The following NHLRC2 variants were observed in gnomAD, a reference collection of about 807,000 sequenced individuals.
NHLRC2 encodes NHL repeat containing 2.
In NHLRC2, 33 loss-of-function variants were observed where a neutral mutation model predicts 68.1. That is an observed-to-expected ratio of 0.48 (90% CI 0.37 to 0.65). NHLRC2 has a LOEUF of 0.65. NHLRC2 is among the 30% of genes least tolerant of loss of function. NHLRC2 has a pLI of 0.00. For synonymous variants in NHLRC2, 311 were observed against 309.6 expected (o/e 1.00, Z -0.05); for missense variants, 761 against 853.8 (o/e 0.89, Z 1.35).
intron 5 of NHLRC2, among the ~76,000 whole-genome samples, chr10:113,892,142 G>A (rs553124454): frequency 6.6e-6 from 1 of 152,220 alleles, no homozygotes; most frequent in South Asian, 2.1e-4. Flanking sequence ...AGAATTTCAC[G>A]GATGCTCTTA....
intron 9 of NHLRC2, 72 bp from the exon 10 acceptor site, chr10:113,904,745 T>C: frequency 8.7e-7 from 1 of 1,153,446 alleles, no homozygotes; most frequent in Non-Finnish European, 1.3e-6. Flanking sequence ...TACTAAAGTC[T>C]AAAAATATGC....
chr10:113,868,610 G>A (rs931537662), intron 2 of NHLRC2, among the ~76,000 whole-genome samples: 1 of 152,098 alleles, frequency 6.6e-6, no homozygotes, highest in East Asian at 1.9e-4. Context: ...TACGTACTAG[G>A]CACTGGAGAA....
chr10:113,891,730 A>G (rs1427960383), intron 5 of NHLRC2, among the ~76,000 whole-genome samples: 2 of 152,116 alleles, frequency 1.3e-5, no homozygotes, highest in African/African-American at 4.8e-5. Flanking sequence ...CGTCCCAGGG[A>G]TAGACTGCTA....
Position 113,915,495 on chromosome 10 carries a change from T to C in NHLRC2, c.*6959T>C, listed in dbSNP as rs191932798. On this transcript the variant is annotated 3_prime_UTR_variant, in exon 11 of 11. Transcript: ENST00000369301. ...TGTGAATAATACGGACATAGTTTACTACCTTTTGCTTTTAATATACCTGGT... is the reference window on the plus strand; with the variant it reads ...TGTGAATAATACGGACATAGTTTACCACCTTTTGCTTTTAATATACCTGGT... 2.2e-4 allele frequency: 67 copies of C among 300,820 alleles called. No homozygotes were observed. The highest frequency in any genetic ancestry group is 3.0e-4 in the Non-Finnish European group (47 of 154,550). The allele number at this position is 300,820 out of a possible 1,614,324, so 18.6% of individuals were successfully genotyped here.
rs1235979080 is a variant in NHLRC2, at chr10:113,876,849, T to G, written c.660T>G (p.Pro220=). ...GIKLYKDSLP[P]SPLLFPGKVT... The stretch of plus-strand genomic sequence containing the variant: ...AACTCTATAAAGATTCTTTGCCACC[T>G]TCACCATTGCTATTTCCTGGCAAAG... The change falls in exon 3 of 11, where the codon CCT becomes CCG. Residue 220 remains proline, a synonymous_variant. Coordinates refer to ENST00000369301, the MANE Select transcript of NHLRC2 (RefSeq NM_198514.4). 12 of 1,612,482 alleles carry G rather than the reference T, an allele frequency of 7.4e-6. No individual in the cohort carries two copies. The highest frequency in any genetic ancestry group is 1.0e-5 in the Non-Finnish European group (12 of 1,178,758).
At chr10:113,857,570 A>G (rs1417433476) in intron 1 of NHLRC2, among the ~76,000 whole-genome samples, 2 of 152,146 alleles carry the variant, frequency 1.3e-5, no homozygotes, top group African/African-American at 4.8e-5. Context: ...AAGCTATTCT[A>G]AATACCTGCT....
intron 8 of NHLRC2, among the ~76,000 whole-genome samples, 153 bp downstream of exon 8, chr10:113,902,746 T>G (rs1008971075): frequency 4.6e-5 from 7 of 152,230 alleles, no homozygotes; most frequent in Admixed American, 4.6e-4. Context: ...TGCTCTTTTC[T>G]TGGTCCTTTC....
rs868147657 is a variant in NHLRC2 at position 113,854,980 on chromosome 10, C to T, written c.108C>T (p.Ser36=). ...LDAVTQQEKD[S]LVYQYLQKVD... is the part of the protein sequence containing the mutation. ...CCGTTACCCAGCAGGAGAAGGACAG[C>T]CTGGTCTACCAGTATCTGCAGAAGG... Residue 36 remains serine, a synonymous_variant, in exon 1 of 11, where the codon AGC becomes AGT. Coordinates refer to ENST00000369301, the MANE Select transcript of NHLRC2 (RefSeq NM_198514.4). The T allele has an allele frequency of 1.9e-6, 3 of 1,553,440 alleles. No individual in the cohort carries two copies. Among genetic ancestry groups the T allele is most frequent in the Non-Finnish European group, 2.6e-6 (3 of 1,147,848 alleles).
At chr10:113,884,745 A>G (rs563333527) in intron 5 of NHLRC2, among the ~76,000 whole-genome samples, 1 of 151,632 alleles carries the variant, frequency 6.6e-6, no homozygotes, top group East Asian at 1.9e-4. Flanking sequence ...TAATAAAAAT[A>G]AATTTATTCA....
chr10:113,855,080 C>CT (rs1564848083), intron 1 of NHLRC2, 30 bp downstream of exon 1: 2 of 1,527,964 alleles, frequency 1.3e-6, no homozygotes, highest in Middle Eastern at 2.0e-4. Context: ...GTGGGGGCCC[C>CT]TCCCGGCACC....
chr10:113,888,932 T>C (rs958397233), intron 5 of NHLRC2, among the ~76,000 whole-genome samples: 1 of 151,128 alleles, frequency 6.6e-6, no homozygotes. Context: ...GTTCAAGCAA[T>C]TCTCCTGCCT....
chr10:113,899,910 C>A (rs1276542759), intron 6 of NHLRC2, among the ~76,000 whole-genome samples: 2 of 151,036 alleles, frequency 1.3e-5, no homozygotes, highest in African/African-American at 2.4e-5. Flanking sequence ...CAGAGTGAGA[C>A]TCCGTTTAAA....
chr10:113,885,980 A>G (rs937527646), intron 5 of NHLRC2, among the ~76,000 whole-genome samples: 2 of 152,074 alleles, frequency 1.3e-5, no homozygotes, highest in Non-Finnish European at 2.9e-5. Context: ...ACATGATTTT[A>G]TATGTAGAAA....
intron 6 of NHLRC2, among the ~76,000 whole-genome samples, chr10:113,899,113 C>G (rs985962734): frequency 6.6e-6 from 1 of 152,064 alleles, no homozygotes; most frequent in Non-Finnish European, 1.5e-5. Flanking sequence ...TGCCCCAACC[C>G]GCTGCCCCTT....
intron 4 of NHLRC2, among the ~76,000 whole-genome samples, 174 bp from the exon 5 acceptor site, chr10:113,884,077 A>G (rs1388520059): frequency 2.6e-5 from 4 of 151,920 alleles, no homozygotes; most frequent in Non-Finnish European, 5.9e-5. Flanking sequence ...GGGACTGATT[A>G]TGTGCATTTG....
intron 2 of NHLRC2, among the ~76,000 whole-genome samples, chr10:113,862,708 C>T (rs1020056759): frequency 5.3e-5 from 8 of 152,118 alleles, no homozygotes; most frequent in African/African-American, 1.9e-4. Flanking sequence ...AAGATACAAA[C>T]AGGTTAAAAT....
intron 5 of NHLRC2, among the ~76,000 whole-genome samples, chr10:113,891,571 G>T (rs1846131809): frequency 6.6e-6 from 1 of 152,148 alleles, no homozygotes; most frequent in Non-Finnish European, 1.5e-5. Flanking sequence ...AATTCCTCTA[G>T]CTGGGCAGTT....
chr10:113,896,758 G>A (rs1473571517), intron 5 of NHLRC2, among the ~76,000 whole-genome samples: 3 of 152,124 alleles, frequency 2.0e-5, no homozygotes, highest in African/African-American at 7.2e-5. Flanking sequence ...ACTTTGGGAG[G>A]CTGAGGTGGG....
intron 2 of NHLRC2, among the ~76,000 whole-genome samples, chr10:113,862,399 A>T (rs1243950988): frequency 6.6e-6 from 1 of 151,856 alleles, no homozygotes; most frequent in African/African-American, 2.4e-5. Context: ...TCTGGTTACC[A>T]CAAAAAAAAA....
Sources: allele counts gnomAD v4.1 joint callset (sites outside exome capture counted in the v4.1 genomes callset), GRCh38; gene constraint gnomAD v4.1.1; transcripts MANE v1.5; gene names NCBI Gene and HGNC (gene_info 2026-07-23, HGNC 2026-07-21).